Variants in KAZN observed in about 807,000 individuals in gnomAD.
KAZN encodes the protein kazrin, periplakin interacting protein.
A neutral mutation model predicts 87.4 loss-of-function variants in KAZN; 40 were observed. The observed-to-expected ratio is 0.46, with a 90% CI of 0.36 to 0.60. KAZN has a LOEUF of 0.60. Ranked by LOEUF, KAZN falls within the 20% of genes least tolerant of loss-of-function variation. The pLI, the probability that KAZN is intolerant of heterozygous loss-of-function variation, is 0.00. For synonymous variants in KAZN, 466 were observed against 458.3 expected (o/e 1.02, Z -0.22); for missense variants, 898 against 1,073.9 (o/e 0.84, Z 2.29).
At chr1:15,004,353 T>C (rs1308428104) in intron 2 of KAZN, among the ~76,000 whole-genome samples, 4 of 152,292 alleles carry the variant, frequency 2.6e-5, no homozygotes, top group African/African-American at 9.6e-5. Context: ...CAGAAGAGGC[T>C]GGTACTGTGC....
At chr1:14,867,321 T>C (rs1163122684) in intron 1 of KAZN, among the ~76,000 whole-genome samples, 1 of 152,040 alleles carries the variant, frequency 6.6e-6, no homozygotes. Flanking sequence ...AGGCTGTGAG[T>C]GGGCTGAGAG....
At position 14,164,454 on chromosome 1, in the gene KAZN, TTGTGTG is replaced by T. The variant is rs59816103; in HGVS notation, c.92-15959_92-15954del. The stretch of plus-strand genomic sequence containing the variant: ...TTTCAAGAGAGAAAACACTATGGCT[TTGTGTG>T]TGTGTGTGTGTGTGTGTGTGTTTGT... On this transcript the variant is annotated intron_variant, in intron 1 of 16. Transcript: ENST00000636203. 4.5e-3 allele frequency among the ~76,000 whole-genome samples: 655 copies of T among 144,734 alleles called. 3 individuals are homozygous for T. The highest frequency in any genetic ancestry group is 6.2e-3 in the Non-Finnish European group (415 of 66,676). 95.0% of individuals were successfully genotyped at this position (144,734 alleles called of 152,430 possible).
chr1:14,802,666 C>A (rs1646077266), intron 1 of KAZN, among the ~76,000 whole-genome samples: 1 of 152,214 alleles, frequency 6.6e-6, no homozygotes, highest in East Asian at 1.9e-4. Flanking sequence ...TGCTTCCCGG[C>A]ACCGCTGTTC....
At chr1:14,724,174 C>A (rs1643265570) in intron 1 of KAZN, among the ~76,000 whole-genome samples, 1 of 152,066 alleles carries the variant, frequency 6.6e-6, no homozygotes, top group Non-Finnish European at 1.5e-5. Flanking sequence ...TTTTCTTATT[C>A]TTTCATGCGC....
Position 14,599,050 on chromosome 1 carries a change from C to A in KAZN, c.53C>A (p.Ser18Ter). ...CTCCGCATCGATGGGGCGGTCCAGT[C>A]GGCCAGCCAGGAGGTGACCAACCTG... ...LALRIDGAVQSASQEVTNLRA... is the reference protein window; with the variant it reads ...LALRIDGAVQ Residue 18 changes from serine to a stop codon, truncating the protein, a stop_gained, in exon 1 of 15, where the codon TCG (serine) becomes TAG (stop). Transcript: ENST00000376030. LOFTEE classifies it high-confidence loss of function. This position sits in a 1 kb window ranked among gnomAD's most constrained non-coding sequence, Gnocchi z 4.4. The A allele has an allele frequency of 6.4e-7, 1 of 1,566,772 alleles. No individual in the cohort carries two copies. Among genetic ancestry groups the A allele is most frequent in the South Asian group, 1.2e-5 (1 of 86,068 alleles).
chr1:14,754,244 G>T (rs1038571464), intron 1 of KAZN, among the ~76,000 whole-genome samples: 4 of 152,172 alleles, frequency 2.6e-5, no homozygotes, highest in African/African-American at 9.7e-5. Context: ...GATTTATGTG[G>T]GATACAGTGG....
chr1:14,132,775 ATAGT>A (rs1645018564), intron 1 of KAZN, among the ~76,000 whole-genome samples: 2 of 152,082 alleles, frequency 1.3e-5, no homozygotes, highest in Non-Finnish European at 2.9e-5. Flanking sequence ...ATATTAGGAG[ATAGT>A]TAGCCTGTCT....
At chr1:13,923,533 A>G (rs1290979886) in intron 1 of KAZN, among the ~76,000 whole-genome samples, 4 of 147,884 alleles carry the variant, frequency 2.7e-5, no homozygotes, top group Non-Finnish European at 5.9e-5. Flanking sequence ...AGATCGCGCC[A>G]CTGCACTCCA....
At chr1:14,758,363 G>A (rs913651026) in intron 1 of KAZN, among the ~76,000 whole-genome samples, 7 of 151,966 alleles carry the variant, frequency 4.6e-5, no homozygotes, top group African/African-American at 1.7e-4. Flanking sequence ...TTTAGAGTTG[G>A]GGTCTTGCCG....
At chr1:14,051,395 G>A (rs1642321687) in intron 1 of KAZN, among the ~76,000 whole-genome samples, 1 of 152,156 alleles carries the variant, frequency 6.6e-6, no homozygotes, top group Admixed American at 6.5e-5. Context: ...GAGGGAGTCT[G>A]GGTTTTTTCT....
chr1:14,831,470 AAATGTCG>A (rs1334259935), intron 1 of KAZN, among the ~76,000 whole-genome samples: 1 of 152,154 alleles, frequency 6.6e-6, no homozygotes, highest in Non-Finnish European at 1.5e-5. Flanking sequence ...TGATAAAGAA[AAATGTCG>A]AAGTTTCCCT....
In KAZN at chr1:14,557,629, G is replaced by GTGT. The variant is rs1673971745; in HGVS notation, c.250-41354_250-41353insTGT. 9.3e-3 allele frequency among the ~76,000 whole-genome samples: 1,285 copies of GTGT among 137,942 alleles called. 10 individuals carry two copies. Among genetic ancestry groups the GTGT allele is most frequent in the Admixed American group, 0.021 (281 of 13,470 alleles). The allele number at this position is 137,942 out of a possible 152,430, so 90.5% of individuals were successfully genotyped here. The stretch of plus-strand genomic sequence containing the variant: ...AAACAAAACCAATAGGGTGTGTGTG[G>GTGT]GTGTGTGTGTGTGTGTGTGTGTGTG... On this transcript the variant is annotated intron_variant, in intron 2 of 16. Transcript: ENST00000636203.
chr1:14,993,905 GCAGGGAA>G (rs1667606782), intron 2 of KAZN, among the ~76,000 whole-genome samples: 1 of 152,230 alleles, frequency 6.6e-6, no homozygotes, highest in South Asian at 2.1e-4. Flanking sequence ...CTTTGGGTGG[GCAGGGAA>G]CAGGACAGGC....
At chr1:14,503,822 G>T (rs909072322) in intron 2 of KAZN, among the ~76,000 whole-genome samples, 1 of 152,120 alleles carries the variant, frequency 6.6e-6, no homozygotes. Flanking sequence ...AGGGCCAGGG[G>T]CTCACTGCAT....
At chr1:13,910,765 CCCA>C (rs930297820) in intron 1 of KAZN, among the ~76,000 whole-genome samples, 2 of 152,034 alleles carry the variant, frequency 1.3e-5, no homozygotes, top group African/African-American at 4.8e-5. Context: ...GGGCCTAACT[CCCA>C]CCCAATTTCC....
intron 1 of KAZN, among the ~76,000 whole-genome samples, chr1:14,122,823 C>A (rs1261821983): frequency 6.6e-6 from 1 of 151,954 alleles, no homozygotes; most frequent in Non-Finnish European, 1.5e-5. Flanking sequence ...CTTTTTTGTC[C>A]TTGTTTTTGG....
chr1:15,026,246 A>C (rs925412602), intron 2 of KAZN, among the ~76,000 whole-genome samples: 4 of 152,258 alleles, frequency 2.6e-5, no homozygotes, highest in African/African-American at 4.8e-5. Flanking sequence ...AGATAGGAAG[A>C]GAGGTTAACA....
intron 2 of KAZN, among the ~76,000 whole-genome samples, chr1:14,580,392 T>C (rs1675468197): frequency 6.6e-6 from 1 of 152,090 alleles, no homozygotes; most frequent in African/African-American, 2.4e-5. Context: ...GGAGAATTGC[T>C]TGAACCCAGG....
chr1:14,834,094 G>A (rs1341564980), intron 1 of KAZN, among the ~76,000 whole-genome samples: 1 of 151,874 alleles, frequency 6.6e-6, no homozygotes, highest in Non-Finnish European at 1.5e-5. Context: ...GGAGTGTAGT[G>A]GTGTGATCTC....
Sources: allele counts gnomAD v4.1 joint callset (sites outside exome capture counted in the v4.1 genomes callset), GRCh38; gene constraint gnomAD v4.1.1; non-coding constraint Gnocchi (gnomAD v3.1); transcripts MANE v1.5; gene names NCBI Gene and HGNC (gene_info 2026-07-23, HGNC 2026-07-21).